Variants in MCC observed in about 807,000 individuals in gnomAD.
MCC encodes colorectal mutant cancer protein.
MCC carries 90 observed loss-of-function variants against 116.2 expected under a neutral mutation model. The observed-to-expected ratio is 0.77, with a 90% CI of 0.65 to 0.92. MCC has a LOEUF of 0.92. MCC is among the 40% of genes least tolerant of loss of function. The pLI is 0.00. For missense variants in MCC, 1,516 were observed against 1,312.2 expected (o/e 1.16, Z -2.40); for synonymous variants, 578 against 510.5 (o/e 1.13, Z -1.78).
At chr5:113,414,114 T>C (rs537285924) in intron 1 of MCC, among the ~76,000 whole-genome samples, 258 of 152,350 alleles carry the variant, frequency 1.7e-3, no homozygotes, top group African/African-American at 5.8e-3. Context: ...AGTTCTAATT[T>C]GATTGCACTG....
intron 3 of MCC, among the ~76,000 whole-genome samples, chr5:113,284,082 T>C (rs548908097): frequency 4.6e-5 from 7 of 152,258 alleles, no homozygotes; most frequent in Admixed American, 3.3e-4. Flanking sequence ...AATTGACTTA[T>C]GTTATCAGTA....
intron 1 of MCC, among the ~76,000 whole-genome samples, chr5:113,387,195 G>C (rs554331775): frequency 1.3e-5 from 2 of 152,222 alleles, no homozygotes; most frequent in African/African-American, 4.8e-5. Flanking sequence ...CATAGCTTAA[G>C]AAAAGTCATT....
chr5:113,321,706 C>T (rs545261059), intron 3 of MCC, among the ~76,000 whole-genome samples: 1 of 152,326 alleles, frequency 6.6e-6, no homozygotes, highest in East Asian at 1.9e-4. Context: ...AATGCAAAGC[C>T]TGGGTTAAGC....
intron 1 of MCC, among the ~76,000 whole-genome samples, chr5:113,427,958 G>A (rs1428169832): frequency 6.6e-6 from 1 of 152,162 alleles, no homozygotes; most frequent in Non-Finnish European, 1.5e-5. Context: ...ACATACCTCA[G>A]TGGAAACCAG....
At chr5:113,314,229 T>C (rs1359709977) in intron 3 of MCC, among the ~76,000 whole-genome samples, 1 of 152,226 alleles carries the variant, frequency 6.6e-6, no homozygotes, top group Non-Finnish European at 1.5e-5. Flanking sequence ...TTAAAAATCA[T>C]GGGGCTTCAT....
At chr5:113,128,542 A>G (rs1758228275) in intron 5 of MCC, among the ~76,000 whole-genome samples, 1 of 152,246 alleles carries the variant, frequency 6.6e-6, no homozygotes. Flanking sequence ...ATCTCCTCTT[A>G]TTTTTTCAGA....
chr5:113,127,132 G>A (rs952145301), intron 5 of MCC, among the ~76,000 whole-genome samples: 2 of 152,132 alleles, frequency 1.3e-5, no homozygotes, highest in Non-Finnish European at 2.9e-5. Context: ...GCATTAGTTT[G>A]CTAAGGTTAA....
chr5:113,119,291 A>AT (rs1371810802), intron 6 of MCC, among the ~76,000 whole-genome samples: 1 of 152,218 alleles, frequency 6.6e-6, no homozygotes, highest in Non-Finnish European at 1.5e-5. Flanking sequence ...GGAGTGCTCC[A>AT]TGTTATGAAA....
intron 3 of MCC, among the ~76,000 whole-genome samples, chr5:113,172,206 T>C (rs1231247724): frequency 6.6e-6 from 1 of 152,152 alleles, no homozygotes; most frequent in African/African-American, 2.4e-5. Flanking sequence ...TCTCACTGGA[T>C]CACTTAAGAC....
intron 6 of MCC, among the ~76,000 whole-genome samples, chr5:113,110,283 G>C (rs910233687): frequency 2.6e-5 from 4 of 152,188 alleles, no homozygotes; most frequent in Admixed American, 6.5e-5. Flanking sequence ...ACGGTGACTG[G>C]ATCAGGGAAA....
chr5:113,036,381 C>G (rs1751333742), intron 17 of MCC, among the ~76,000 whole-genome samples: 2 of 152,160 alleles, frequency 1.3e-5, no homozygotes, highest in Admixed American at 1.3e-4. Flanking sequence ...AACTGGGACT[C>G]CCACCTGGGA....
At chr5:113,329,196 C>T (rs930061459) in intron 3 of MCC, among the ~76,000 whole-genome samples, 15 of 152,126 alleles carry the variant, frequency 9.9e-5, no homozygotes, top group African/African-American at 3.4e-4. Context: ...GGTAAATCCC[C>T]AATGAATATT....
intron 2 of MCC, among the ~76,000 whole-genome samples, chr5:113,364,034 C>T (rs1768615288): frequency 6.6e-6 from 1 of 151,968 alleles, no homozygotes; most frequent in Non-Finnish European, 1.5e-5. Flanking sequence ...GAATTCAAGA[C>T]CAGCCTGGCC....
intron 3 of MCC, chr5:113,294,402 C>T (rs1412561410): frequency 3.7e-6 from 6 of 1,613,570 alleles, no homozygotes; most frequent in East Asian, 2.2e-5. Flanking sequence ...CTTTTCAGAG[C>T]TGGGCTCTCA....
chr5:113,028,936 G>A lies in MCC; in HGVS notation c.2877C>T (p.Asn959=). 6.2e-7 allele frequency: 1 copy of A among 1,613,284 alleles called. No individual in the cohort carries two copies. Among genetic ancestry groups the A allele is most frequent in the East Asian group, 2.2e-5 (1 of 44,826 alleles). Residue 959 remains asparagine (N), a splice_region_variant and synonymous_variant, in exon 18 of 19, where the codon AAC becomes AAT. Coordinates refer to ENST00000408903, the MANE Select transcript of MCC (RefSeq NM_001085377.2). ...AEFVNDLKRA[N]SNLVAAYEKA... ...GCTGGGTATAGGGAGATTTTTACCTGTTGGCCCGCTTTAGATCATTCACGA... is the reference window on the plus strand; with the variant it reads ...GCTGGGTATAGGGAGATTTTTACCTATTGGCCCGCTTTAGATCATTCACGA...
chr5:113,239,903 C>T (rs527354306), intron 3 of MCC, among the ~76,000 whole-genome samples: 10 of 152,274 alleles, frequency 6.6e-5, no homozygotes, highest in African/African-American at 2.4e-4. Context: ...CTATTTCCAA[C>T]TCCATTTAGG....
At chr5:113,430,920 C>T (rs1350282769) in intron 1 of MCC, among the ~76,000 whole-genome samples, 2 of 151,896 alleles carry the variant, frequency 1.3e-5, no homozygotes, top group African/African-American at 4.8e-5. Flanking sequence ...CTGAGAGGGG[C>T]ACATGGAGAA....
chr5:113,250,910 A>C (rs1359872283), intron 3 of MCC, among the ~76,000 whole-genome samples: 1 of 152,224 alleles, frequency 6.6e-6, no homozygotes, highest in East Asian at 1.9e-4. Flanking sequence ...TGCAACAGGT[A>C]AATTTAGGGT....
chr5:113,055,945 T>C (rs1038708535), intron 14 of MCC, among the ~76,000 whole-genome samples: 3 of 152,212 alleles, frequency 2.0e-5, no homozygotes, highest in Non-Finnish European at 4.4e-5. Flanking sequence ...GATGGCAACA[T>C]CAACTCTTCC....
Sources: allele counts gnomAD v4.1 joint callset (sites outside exome capture counted in the v4.1 genomes callset), GRCh38; gene constraint gnomAD v4.1.1; transcripts MANE v1.5; gene names NCBI Gene and HGNC (gene_info 2026-07-23, HGNC 2026-07-21).